The following DMGDH variants were observed in gnomAD, a reference collection of about 807,000 sequenced individuals.
DMGDH encodes the protein dimethylglycine dehydrogenase.
A neutral mutation model predicts 95.2 loss-of-function variants in DMGDH; 76 were observed. That is an observed-to-expected ratio of 0.80 (90% CI 0.66 to 0.97). The LOEUF is 0.97. DMGDH is among the 50% of genes least tolerant of loss of function. DMGDH has a pLI of 0.00. For synonymous variants in DMGDH, 345 were observed against 377.6 expected (o/e 0.91, Z 1.00); for missense variants, 987 against 1,055.0 (o/e 0.94, Z 0.89).
intron 10 of DMGDH, 118 bp downstream of exon 10, chr5:79,030,715 G>C (rs2112626545): frequency 9.9e-7 from 1 of 1,007,528 alleles, no homozygotes. Context: ...TATACTTTTG[G>C]TCAGTTGAAG....
chr5:78,998,370 A>T (rs1362849878), intron 15 of DMGDH, 73 bp from the exon 16 acceptor site: 1 of 1,438,678 alleles, frequency 7.0e-7, no homozygotes, highest in African/African-American at 1.4e-5. Flanking sequence ...GGTGAAAAAA[A>T]ACTAAAATAC....
intron 7 of DMGDH, among the ~76,000 whole-genome samples, chr5:79,040,730 T>C (rs1295332725): frequency 6.6e-6 from 1 of 152,198 alleles, no homozygotes; most frequent in Admixed American, 6.5e-5. Flanking sequence ...TTCTTATATC[T>C]AGAATATATA....
intron 15 of DMGDH, among the ~76,000 whole-genome samples, chr5:79,004,225 A>G (rs1753505076): frequency 1.3e-5 from 2 of 152,186 alleles, no homozygotes; most frequent in African/African-American, 4.8e-5. Flanking sequence ...GTTAAATGGG[A>G]GAGCACATGA....
At position 79,054,457 on chromosome 5, in the gene DMGDH, G is replaced by A. The variant is rs928823561; in HGVS notation, c.376-109C>T. On this transcript the variant is annotated intron_variant, in intron 3 of 15. Transcript: ENST00000255189. ...GCAGCTGTACAAAAAGATTTATTAC[G>A]AGTGAAAGAAATAACTATTAAAATA... 7.3e-6 allele frequency: 8 copies of A among 1,095,558 alleles called. No individual in the cohort carries two copies. In the African/African-American group the frequency reaches 1.1e-4, roughly 15 times the overall value. 67.9% of individuals were successfully genotyped at this position (1,095,558 alleles called of 1,614,324 possible).
At chr5:79,023,905 T>C (rs1737809849) in intron 14 of DMGDH, among the ~76,000 whole-genome samples, 1 of 152,260 alleles carries the variant, frequency 6.6e-6, no homozygotes, top group Admixed American at 6.5e-5. Flanking sequence ...GATCAGCTAA[T>C]GTGCAATTTC....
intron 7 of DMGDH, among the ~76,000 whole-genome samples, chr5:79,038,241 TG>T (rs1382989496): frequency 6.6e-6 from 1 of 152,070 alleles, no homozygotes; most frequent in Non-Finnish European, 1.5e-5. Flanking sequence ...CCCAGCACTT[TG>T]GGGGGTCGAG....
rs1313344830 is a variant in DMGDH, at chr5:79,069,547, C to A, written c.74G>T (p.Arg25Leu). The A allele has an allele frequency of 6.9e-6, 9 of 1,313,300 alleles. No homozygotes were observed. The East Asian group carries it at 9.3e-5, about 14-fold the overall frequency. 81.4% of individuals were successfully genotyped at this position (1,313,300 alleles called of 1,614,324 possible). ...RSCPLQGSPGRPRSVCGREGE... is the reference protein window; with the variant it reads ...RSCPLQGSPGLPRSVCGREGE... ...TTCCCGGCCGCAGACAGAGCGCGGG[C>A]GCCCGGGGGAGCCCTGCAGCGGGCA... Residue 25 changes from arginine (R) to leucine (L), a missense_variant, in exon 1 of 16, where the codon CGC becomes CTC. Coordinates refer to ENST00000255189, the MANE Select transcript of DMGDH (RefSeq NM_013391.3).
chr5:79,064,643 G>A (rs1252110656), intron 1 of DMGDH, among the ~76,000 whole-genome samples: 1 of 151,770 alleles, frequency 6.6e-6, no homozygotes, highest in African/African-American at 2.4e-5. Context: ...TGTAATAACA[G>A]TTTAAATGCA....
chr5:79,044,559 C>CA lies in DMGDH; in HGVS notation c.746-8dup, dbSNP rs768040283. 23 of 1,613,366 alleles carry CA rather than the reference C, an allele frequency of 1.4e-5. No homozygotes were observed. Among genetic ancestry groups the CA allele is most frequent in the Non-Finnish European group, 1.9e-5 (23 of 1,179,838 alleles). On this transcript the variant is annotated splice_region_variant and splice_polypyrimidine_tract_variant and intron_variant, in intron 5 of 15. Coordinates refer to ENST00000255189, the MANE Select transcript of DMGDH (RefSeq NM_013391.3). ...ACTTCACGAGCCCAAAATCCTTAAACAAAAAAATCATTTAAAAGTGTCAGC... is the reference window on the plus strand; with the variant it reads ...ACTTCACGAGCCCAAAATCCTTAAACAAAAAAAATCATTTAAAAGTGTCAGC...
chr5:79,056,412 G>A (rs181893538), intron 2 of DMGDH, among the ~76,000 whole-genome samples: 14 of 151,848 alleles, frequency 9.2e-5, no homozygotes, highest in Non-Finnish European at 1.5e-4. Context: ...GCGTGGTGGC[G>A]GGCACCTGTA....
Position 79,030,010 on chromosome 5 carries a change from T to C in DMGDH, c.1708A>G (p.Met570Val), listed in dbSNP as rs964919748. Residue 570 changes from methionine to valine, a missense_variant, in exon 11 of 16, where the codon ATG becomes GTG. Met to Val is a conservative substitution (Grantham distance 21). Transcript: ENST00000255189. Reference sequence around the variant, plus strand: ...TACACTCGACCCTTGGGTGTTAACATGTGACTTATATTTGTAAAACCCACC... The same window carrying C: ...TACACTCGACCCTTGGGTGTTAACACGTGACTTATATTTGTAAAACCCACC... Reference protein sequence around the residue: ...PKVGFTNISHMLTPKGRVYAE... With the variant: ...PKVGFTNISHVLTPKGRVYAE... The C allele has an allele frequency of 1.9e-6, 3 of 1,613,904 alleles. No homozygotes were observed. In the Admixed American group the frequency reaches 5.0e-5, roughly 27 times the overall value.
At chr5:79,037,983 A>G (rs1198383238) in intron 7 of DMGDH, among the ~76,000 whole-genome samples, 8 of 152,240 alleles carry the variant, frequency 5.3e-5, no homozygotes, top group Non-Finnish European at 1.0e-4. Flanking sequence ...AATATTGTTC[A>G]GATGTCAATA....
Position 79,055,859 on chromosome 5 carries a change from T to C in DMGDH, c.326A>G (p.His109Arg), listed in dbSNP as rs121908331. Reference protein sequence around the residue: ...FHPGINLKKIHYDSIKLYEKL... With the variant: ...FHPGINLKKIRYDSIKLYEKL... The stretch of plus-strand genomic sequence containing the variant: ...CTCATAAAGTTTGATGCTATCATAA[T>C]GTATTTTCTTCAAGTTTATTCCAGG... The change falls in exon 3 of 16, where the codon CAT becomes CGT. Residue 109 changes from histidine to arginine, a missense_variant. Transcript: ENST00000255189. 496 of 1,612,764 alleles carry C rather than the reference T, an allele frequency of 3.1e-4. No homozygotes were observed. In the African/African-American group the frequency reaches 4.6e-3, roughly 15 times the overall value.
rs1373121807 is a variant in DMGDH at position 79,005,026 on chromosome 5, T to C, written c.2385+247A>G. 9.2e-5 allele frequency among the ~76,000 whole-genome samples: 14 copies of C among 152,370 alleles called. No homozygotes were observed. The East Asian group carries it at 1.9e-3, about 21-fold the overall frequency. The stretch of plus-strand genomic sequence containing the variant: ...TATCCTTCTCATTGTCCAGTGTGTT[T>C]CAAGTCTTTGGGTTTGTTTTCTTTA... On this transcript the variant is annotated intron_variant, in intron 15 of 15. Coordinates refer to ENST00000255189, the MANE Select transcript of DMGDH (RefSeq NM_013391.3).
chr5:79,001,316 C>T (rs1045895565), intron 15 of DMGDH, among the ~76,000 whole-genome samples: 1 of 152,172 alleles, frequency 6.6e-6, no homozygotes, highest in African/African-American at 2.4e-5. Flanking sequence ...GTGTACACCA[C>T]CATGCCTGGC....
intron 14 of DMGDH, among the ~76,000 whole-genome samples, chr5:79,014,503 T>A (rs1753694721): frequency 6.6e-6 from 1 of 152,060 alleles, no homozygotes; most frequent in South Asian, 2.1e-4. Context: ...TAAGCCTAAA[T>A]GCAAAGTAAA....
chr5:79,020,544 A>C, intron 14 of DMGDH: 10 of 424,818 alleles, frequency 2.4e-5, no homozygotes, highest in Non-Finnish European at 3.1e-5. Context: ...GCTTGGTACT[A>C]AGCGCTTTGC....
chr5:79,030,101 T>C, intron 10 of DMGDH, 67 bp from the exon 11 acceptor site: 1 of 1,355,758 alleles, frequency 7.4e-7, no homozygotes, highest in Non-Finnish European at 1.0e-6. Flanking sequence ...TTAACACCTA[T>C]TGAAATAACA....
In DMGDH at chr5:78,998,055, A is replaced by C. The variant is rs1172177968; in HGVS notation, c.*27T>G. 1 of 1,610,936 alleles carries C rather than the reference A, an allele frequency of 6.2e-7. No individual in the cohort carries two copies. The highest frequency in any genetic ancestry group is 1.3e-5 in the African/African-American group (1 of 74,832). On this transcript the variant is annotated 3_prime_UTR_variant, in exon 16 of 16. Transcript: ENST00000255189. ...TCAAGGACAGTCATTAGCAACTCTA[A>C]TTCAGTTGACTGCTGAAGGTCTTTT...
Sources: gnomAD v4.1 joint callset for allele counts (sites outside exome capture counted in the v4.1 genomes callset) on GRCh38, gnomAD v4.1.1 for gene constraint, MANE v1.5 for transcripts, NCBI Gene and HGNC (gene_info 2026-07-23, HGNC 2026-07-21) for gene names.